Variants in NELL1 observed in about 807,000 individuals in gnomAD.
NELL1 encodes the protein protein kinase C-binding protein NELL1.
Under a neutral mutation model 107.4 loss-of-function variants are expected in NELL1, and 76 were observed. That is an observed-to-expected ratio of 0.71 (90% CI 0.59 to 0.86). The LOEUF is 0.86. Among genes scored for constraint, NELL1 ranks in the 40% least tolerant of loss-of-function variants. The pLI is 0.00. For missense variants in NELL1, 1,024 were observed against 1,005.5 expected (o/e 1.02, Z -0.25); for synonymous variants, 353 against 341.2 (o/e 1.03, Z -0.38).
At chr11:21,384,561 G>A (rs1397031616) in intron 15 of NELL1, among the ~76,000 whole-genome samples, 1 of 151,776 alleles carries the variant, frequency 6.6e-6, no homozygotes, top group Non-Finnish European at 1.5e-5. Flanking sequence ...TCGTCATCTA[G>A]CATTAGGTAT....
chr11:21,512,598 G>A (rs1855464962), intron 15 of NELL1, among the ~76,000 whole-genome samples: 1 of 152,046 alleles, frequency 6.6e-6, no homozygotes. Context: ...AAGAAAGGGG[G>A]AAATGAAAAC....
chr11:20,753,708 G>A (rs1856196250), intron 2 of NELL1, among the ~76,000 whole-genome samples: 1 of 152,114 alleles, frequency 6.6e-6, no homozygotes, highest in Non-Finnish European at 1.5e-5. Context: ...CATCCTCCTG[G>A]AATAAGGTGC....
At chr11:21,109,001 C>T (rs1307318052) in intron 12 of NELL1, among the ~76,000 whole-genome samples, 1 of 152,066 alleles carries the variant, frequency 6.6e-6, no homozygotes, top group African/African-American at 2.4e-5. Flanking sequence ...AAAACTGGCA[C>T]AGTGAGAACA....
At chr11:20,675,722 T>TATATG (rs1018809240) in intron 1 of NELL1, among the ~76,000 whole-genome samples, 41 of 152,268 alleles carry the variant, frequency 2.7e-4, no homozygotes, top group African/African-American at 9.9e-4. Context: ...TCACAGGGCT[T>TATATG]ATATGATCTG....
At chr11:21,303,771 C>T (rs1464181840) in intron 14 of NELL1, among the ~76,000 whole-genome samples, 1 of 151,982 alleles carries the variant, frequency 6.6e-6, no homozygotes, top group Non-Finnish European at 1.5e-5. Flanking sequence ...GCGTCCATCA[C>T]TCAGGTTGAA....
chr11:21,206,094 C>T (rs79466461), intron 13 of NELL1, among the ~76,000 whole-genome samples: 9,483 of 152,184 alleles, frequency 0.062, 297 homozygotes, highest in East Asian at 0.14. Flanking sequence ...AATTGTCATA[C>T]ACTCCATGGC....
At chr11:20,710,938 A>G (rs761651259) in intron 2 of NELL1, among the ~76,000 whole-genome samples, 3 of 150,980 alleles carry the variant, frequency 2.0e-5, no homozygotes, top group Non-Finnish European at 3.0e-5. Flanking sequence ...TAACCTTACT[A>G]ATGGTTTCTT....
chr11:21,174,217 A>C (rs1199535179), intron 13 of NELL1, among the ~76,000 whole-genome samples: 1 of 151,846 alleles, frequency 6.6e-6, no homozygotes, highest in Non-Finnish European at 1.5e-5. Flanking sequence ...CTATTAGATA[A>C]CTAATATACA....
chr11:21,039,369 A>G (rs1853171666), intron 12 of NELL1, among the ~76,000 whole-genome samples: 3 of 152,226 alleles, frequency 2.0e-5, no homozygotes, highest in South Asian at 2.1e-4. Flanking sequence ...TATTTTGAGT[A>G]GAGACGGGGT....
At chr11:21,283,389 G>A (rs2133950163) in intron 14 of NELL1, among the ~76,000 whole-genome samples, 1 of 152,218 alleles carries the variant, frequency 6.6e-6, no homozygotes. Context: ...TGGGATTTTG[G>A]TAGTGGAAGA....
At position 21,533,172 on chromosome 11, in the gene NELL1, C is replaced by T. The variant is rs555479217; in HGVS notation, c.1646-1202C>T. Among the ~76,000 whole-genome samples the T allele has an allele frequency of 2.9e-4, 44 of 152,240 alleles. No individual in the cohort carries two copies. In the South Asian group the frequency reaches 8.9e-3, roughly 31 times the overall value. On this transcript the variant is annotated intron_variant, in intron 15 of 19. Coordinates refer to ENST00000357134, the MANE Select transcript of NELL1 (RefSeq NM_006157.5). ...TGGAGTTGCACAGTATGAGGAACTACACCTTTTCTCTCTTTACTTGGCCAG... is the reference window on the plus strand; with the variant it reads ...TGGAGTTGCACAGTATGAGGAACTATACCTTTTCTCTCTTTACTTGGCCAG...
chr11:21,469,334 A>G (rs1002889423), intron 15 of NELL1, among the ~76,000 whole-genome samples: 2 of 152,034 alleles, frequency 1.3e-5, no homozygotes, highest in East Asian at 3.9e-4. Flanking sequence ...CTAGAAGTGA[A>G]TAAGACTGGG....
intron 12 of NELL1, among the ~76,000 whole-genome samples, chr11:20,986,642 G>A (rs1179974344): frequency 3.3e-5 from 5 of 152,138 alleles, no homozygotes; most frequent in Non-Finnish European, 7.3e-5. Flanking sequence ...CAAGTTCCCA[G>A]AAGACACAGC....
intron 2 of NELL1, among the ~76,000 whole-genome samples, chr11:20,727,682 C>A (rs1855539329): frequency 1.3e-5 from 2 of 152,118 alleles, no homozygotes; most frequent in South Asian, 4.2e-4. Context: ...ATGCCTATGT[C>A]CTGAATGGTA....
chr11:21,020,764 A>G (rs1008192980), intron 12 of NELL1, among the ~76,000 whole-genome samples: 4 of 151,924 alleles, frequency 2.6e-5, no homozygotes, highest in Non-Finnish European at 5.9e-5. Context: ...CAGAAAATAC[A>G]TCTTTGTGTG....
intron 15 of NELL1, among the ~76,000 whole-genome samples, chr11:21,512,619 A>T (rs938017964): frequency 1.3e-5 from 2 of 152,136 alleles, no homozygotes; most frequent in Admixed American, 6.5e-5. Context: ...CAACGTGTAT[A>T]TTCACCTACT....
At chr11:21,159,247 T>C (rs751226298) in intron 13 of NELL1, among the ~76,000 whole-genome samples, 2 of 152,170 alleles carry the variant, frequency 1.3e-5, no homozygotes, top group African/African-American at 2.4e-5. Flanking sequence ...GTTGACCAGA[T>C]TCTGTGAAGC....
At chr11:21,064,100 T>G (rs1853810366) in intron 12 of NELL1, among the ~76,000 whole-genome samples, 1 of 152,124 alleles carries the variant, frequency 6.6e-6, no homozygotes, top group Admixed American at 6.6e-5. Context: ...GCAGGTATGT[T>G]TCTGTCATAG....
intron 14 of NELL1, among the ~76,000 whole-genome samples, chr11:21,255,084 C>T (rs1028136143): frequency 1.3e-5 from 2 of 152,098 alleles, no homozygotes; most frequent in Non-Finnish European, 2.9e-5. Context: ...GTCCCATGCC[C>T]TGTCCTGAGG....
Sources: allele counts gnomAD v4.1 joint callset (sites outside exome capture counted in the v4.1 genomes callset), GRCh38; gene constraint gnomAD v4.1.1; transcripts MANE v1.5; gene names NCBI Gene and HGNC (gene_info 2026-07-23, HGNC 2026-07-21).